Variants in STPG2 observed in about 807,000 individuals in gnomAD.
STPG2 encodes sperm tail PG-rich repeat containing 2.
Under a neutral mutation model 54.2 loss-of-function variants are expected in STPG2, and 56 were observed. The ratio of observed to expected loss-of-function variants is 1.03; its 90% CI spans 0.83 to 1.29. The LOEUF is 1.29. Among genes scored for constraint, STPG2 ranks in the 50% most tolerant of loss-of-function variants. The pLI, the probability that STPG2 is intolerant of heterozygous loss-of-function variation, is 0.00. For missense variants in STPG2, 596 were observed against 544.9 expected, an observed-to-expected ratio of 1.09 and a Z score of -0.93; for synonymous variants, 200 against 181.8, an observed-to-expected ratio of 1.10 and a Z score of -0.81.
intron 4 of STPG2, among the ~76,000 whole-genome samples, chr4:97,479,061 T>C (rs1311319608): frequency 6.6e-6 from 1 of 151,864 alleles, no homozygotes. Flanking sequence ...TGATTAAATA[T>C]TTAAATATAA....
intron 4 of STPG2, among the ~76,000 whole-genome samples, chr4:97,469,713 G>C (rs1030509777): frequency 1.3e-5 from 2 of 151,780 alleles, no homozygotes; most frequent in African/African-American, 2.4e-5. Flanking sequence ...AAACCAAGCA[G>C]AAAGACCAAG....
rs548428947 is a variant in STPG2 at position 97,783,754 on chromosome 4, T to A, written c.1204+57019A>T. 3.3e-5 allele frequency among the ~76,000 whole-genome samples: 5 copies of A among 152,322 alleles called. No homozygotes were observed. The East Asian group carries it at 9.7e-4, about 29-fold the overall frequency. ...AATACTATGCAGCTATAAAAAAGGA[T>A]GAGTTCACATCCTTTGTAGAGACGT... On this transcript the variant is annotated intron_variant, in intron 9 of 10. Transcript: ENST00000295268.
At chr4:97,463,422 T>C (rs1370377008) in intron 4 of STPG2, 1 of 152,106 alleles carries the variant, frequency 6.6e-6, no homozygotes, top group Admixed American at 6.6e-5. Flanking sequence ...CTATACCACT[T>C]TCTTGTATTG....
chr4:97,503,174 C>A (rs1480528211), intron 4 of STPG2, among the ~76,000 whole-genome samples: 1 of 151,920 alleles, frequency 6.6e-6, no homozygotes, highest in Non-Finnish European at 1.5e-5. Context: ...ATGGCTCATA[C>A]TGGCTCACGG....
intron 1 of STPG2, among the ~76,000 whole-genome samples, chr4:98,142,612 A>C (rs1740330072): frequency 6.6e-6 from 1 of 152,228 alleles, no homozygotes; most frequent in South Asian, 2.1e-4. Context: ...CAAAATAGAA[A>C]TATAAGCTAC....
intron 9 of STPG2, among the ~76,000 whole-genome samples, chr4:97,727,706 G>A (rs1055673293): frequency 3.5e-5 from 5 of 142,148 alleles, no homozygotes; most frequent in African/African-American, 4.9e-5. Flanking sequence ...TTTCCAACAC[G>A]TATGATCATG....
At chr4:97,720,024 T>C (rs1724401261) in intron 9 of STPG2, among the ~76,000 whole-genome samples, 1 of 151,964 alleles carries the variant, frequency 6.6e-6, no homozygotes, top group Admixed American at 6.6e-5. Flanking sequence ...TCAGTATGAA[T>C]TCTGTTATGT....
intron 8 of STPG2, among the ~76,000 whole-genome samples, chr4:97,867,813 T>C (rs1205702798): frequency 6.6e-6 from 1 of 151,964 alleles, no homozygotes; most frequent in Non-Finnish European, 1.5e-5. Flanking sequence ...ATTTTATTCC[T>C]TCTGTTGCCT....
intron 4 of STPG2, among the ~76,000 whole-genome samples, chr4:97,464,197 T>G (rs894179004): frequency 2.6e-5 from 4 of 152,162 alleles, no homozygotes; most frequent in African/African-American, 9.7e-5. Context: ...ATAAAAAGTT[T>G]GTGAAATATT....
At chr4:97,752,948 T>C (rs926455721) in intron 9 of STPG2, among the ~76,000 whole-genome samples, 4 of 151,836 alleles carry the variant, frequency 2.6e-5, no homozygotes, top group Non-Finnish European at 4.4e-5. Context: ...ATCTCAATTA[T>C]TCATTGCCAT....
intron 6 of STPG2, 32 bp downstream of exon 6, chr4:97,981,127 A>G (rs35146453): frequency 0.4 from 632,068 of 1,593,782 alleles, 127,075 homozygotes; most frequent in African/African-American, 0.47. Context: ...TTATAAAGCC[A>G]AAGAGTAGAC....
intron 8 of STPG2, among the ~76,000 whole-genome samples, chr4:97,907,192 C>CA (rs1424532754): frequency 1.3e-5 from 2 of 151,448 alleles, no homozygotes; most frequent in African/African-American, 4.8e-5. Flanking sequence ...AATCAATGTA[C>CA]AAAAATCACA....
intron 7 of STPG2, among the ~76,000 whole-genome samples, chr4:97,946,157 A>G (rs1352107272): frequency 6.6e-6 from 1 of 152,070 alleles, no homozygotes; most frequent in East Asian, 1.9e-4. Flanking sequence ...GTGATGTTGA[A>G]TATTTTTTCA....
At chr4:97,768,154 G>A (rs375480756) in intron 9 of STPG2, among the ~76,000 whole-genome samples, 7 of 144,264 alleles carry the variant, frequency 4.9e-5, no homozygotes, top group African/African-American at 1.3e-4. Context: ...GCAACAGAGC[G>A]AGACTCCGTC....
intron 8 of STPG2, among the ~76,000 whole-genome samples, chr4:97,909,268 G>A (rs1731585083): frequency 6.6e-6 from 1 of 151,756 alleles, no homozygotes; most frequent in Non-Finnish European, 1.5e-5. Context: ...TAAATAAAAT[G>A]AAAAGAAATT....
chr4:97,979,483 G>A (rs1302517027), intron 6 of STPG2, among the ~76,000 whole-genome samples: 1 of 152,138 alleles, frequency 6.6e-6, no homozygotes, highest in Non-Finnish European at 1.5e-5. Context: ...ACCACTGTAT[G>A]ATGGATGAAA....
intron 4 of STPG2, among the ~76,000 whole-genome samples, chr4:97,473,840 G>A (rs530188394): frequency 1.1e-3 from 167 of 152,174 alleles, no homozygotes; most frequent in Non-Finnish European, 1.9e-3. Flanking sequence ...CAAACCAGCC[G>A]ATGCTTAGGG....
intron 8 of STPG2, among the ~76,000 whole-genome samples, chr4:97,901,482 G>C (rs545225462): frequency 2.0e-5 from 3 of 152,022 alleles, no homozygotes; most frequent in East Asian, 3.9e-4. Flanking sequence ...TAATAATACA[G>C]TAATGTTACA....
chr4:97,862,096 C>T (rs183007194), intron 8 of STPG2, among the ~76,000 whole-genome samples: 195 of 152,064 alleles, frequency 1.3e-3, no homozygotes, highest in Non-Finnish European at 2.3e-3. Flanking sequence ...TGTAAATGGG[C>T]TAAATTACCC....
Sources: gnomAD v4.1 joint callset for allele counts (sites outside exome capture counted in the v4.1 genomes callset) on GRCh38, gnomAD v4.1.1 for gene constraint, MANE v1.5 for transcripts, NCBI Gene and HGNC (gene_info 2026-07-23, HGNC 2026-07-21) for gene names.